ZBTB46: variants seen among roughly 807,000 people sequenced by gnomAD.
ZBTB46 encodes zinc finger and BTB domain-containing protein 46.
A neutral mutation model predicts 44.1 loss-of-function variants in ZBTB46; 8 were observed. That is an observed-to-expected ratio of 0.18 (90% CI 0.11 to 0.33). The LOEUF (loss-of-function observed/expected upper bound fraction) is 0.33, where lower values mean the gene tolerates loss of function less well. Ranked by LOEUF, ZBTB46 falls within the 10% of genes least tolerant of loss-of-function variation. ZBTB46 has a pLI of 1.00. For synonymous variants in ZBTB46, 409 were observed against 382.3 expected, an observed-to-expected ratio of 1.07 and a Z score of -0.81; for missense variants, 651 against 847.7, an observed-to-expected ratio of 0.77 and a Z score of 2.88.
rs776978314 is a variant in ZBTB46, at chr20:63,746,841, G to A, written c.*89C>T. On this transcript the variant is annotated 3_prime_UTR_variant, in exon 5 of 5. Coordinates refer to ENST00000245663, the MANE Select transcript of ZBTB46 (RefSeq NM_001369741.1). ...AGAGGAGGGGCCGCGAGAGGGGTGA[G>A]CGTGGCCCTGGCCCCGCAGTGGAGA... The A allele has an allele frequency of 4.7e-5, 66 of 1,418,324 alleles. 1 individual carries two copies. Among genetic ancestry groups the A allele is most frequent in the African/African-American group, 4.4e-5 (3 of 67,878 alleles). The allele number at this position is 1,418,324 out of a possible 1,614,324, so 87.9% of individuals were successfully genotyped here. A position where few individuals can be genotyped will look rare whatever the true frequency, so the allele number is the denominator to read the frequency against.
intron 1 of ZBTB46, among the ~76,000 whole-genome samples, chr20:63,817,411 A>G (rs552087444): frequency 1.3e-5 from 2 of 151,736 alleles, no homozygotes; most frequent in African/African-American, 4.8e-5. Flanking sequence ...TCTCAAGAAA[A>G]AAAAATAGAA....
intron 1 of ZBTB46, among the ~76,000 whole-genome samples, chr20:63,804,477 ACT>A (rs927599431): frequency 6.6e-6 from 1 of 152,128 alleles, no homozygotes; most frequent in Non-Finnish European, 1.5e-5. Flanking sequence ...CCCGGGCGTC[ACT>A]GTTCTTACAC....
chr20:63,798,861 G>A (rs1343084974), intron 1 of ZBTB46, among the ~76,000 whole-genome samples: 1 of 148,668 alleles, frequency 6.7e-6, no homozygotes, highest in Non-Finnish European at 1.5e-5. Context: ...AAAAAAAAAT[G>A]TAATTAACAG....
chr20:63,767,311 G>A lies in ZBTB46; in HGVS notation c.1222+8367C>T, dbSNP rs2092328640. Among the ~76,000 whole-genome samples, 2 of 152,038 alleles carry A rather than the reference G, an allele frequency of 1.3e-5. No individual in the cohort carries two copies. The highest frequency in any genetic ancestry group is 1.3e-4 in the Admixed American group (2 of 15,272). ...GTCCCCACACATTGGCAATCCCGTA[G>A]GATCTCGGTCATCTGAACCCCGTCG... On this transcript the variant is annotated intron_variant, in intron 3 of 4. Coordinates refer to ENST00000245663, the MANE Select transcript of ZBTB46 (RefSeq NM_001369741.1). This position sits in a 1 kb window ranked among gnomAD's most constrained non-coding sequence, Gnocchi z 5.0.
At chr20:63,748,292 C>T (rs1411694436) in intron 4 of ZBTB46, among the ~76,000 whole-genome samples, 1 of 152,216 alleles carries the variant, frequency 6.6e-6, no homozygotes, top group African/African-American at 2.4e-5. Context: ...GCCCATGTGG[C>T]AGGACGCGAG....
chr20:63,795,306 T>C (rs2145951392), intron 1 of ZBTB46, among the ~76,000 whole-genome samples: 1 of 152,308 alleles, frequency 6.6e-6, no homozygotes, highest in South Asian at 2.1e-4. Flanking sequence ...ACCGTGCAGG[T>C]GCTGGGGGCA....
At chr20:63,782,736 G>T (rs941877797) in intron 2 of ZBTB46, among the ~76,000 whole-genome samples, 1 of 152,106 alleles carries the variant, frequency 6.6e-6, no homozygotes, top group Non-Finnish European at 1.5e-5. Context: ...TGCTGGCTGC[G>T]GCCGTGAGTC....
upstream of ZBTB46, among the ~76,000 whole-genome samples, chr20:63,833,863 G>A (rs186169641): frequency 7.2e-5 from 11 of 152,340 alleles, no homozygotes; most frequent in South Asian, 4.1e-4. Context: ...TCCAAGAGCT[G>A]ATAAACCCCA....
At chr20:63,807,173 G>A (rs1026884570) in intron 1 of ZBTB46, among the ~76,000 whole-genome samples, 4 of 152,166 alleles carry the variant, frequency 2.6e-5, no homozygotes, top group Admixed American at 6.5e-5. Context: ...GACAGAGATG[G>A]ACTTTTCTTT....
intron 2 of ZBTB46, among the ~76,000 whole-genome samples, chr20:63,779,699 CCT>C (rs1403692882): frequency 6.6e-6 from 1 of 151,562 alleles, no homozygotes; most frequent in Non-Finnish European, 1.5e-5. Context: ...GGATTACAGG[CCT>C]GTGAGCCACC....
intron 3 of ZBTB46, among the ~76,000 whole-genome samples, chr20:63,766,185 G>A (rs1228303408): frequency 6.8e-6 from 1 of 148,046 alleles, no homozygotes; most frequent in East Asian, 2.0e-4. Context: ...TATCATCTCA[G>A]GCCCAACAGC....
rs774230176 is a variant in ZBTB46 at position 63,789,806 on chromosome 20, G to A, written c.937+15C>T. On this transcript the variant is annotated intron_variant, in intron 2 of 4. Coordinates refer to ENST00000245663, the MANE Select transcript of ZBTB46 (RefSeq NM_001369741.1). ...ACTGGGGCAGCTGAGCCCCCGTAAC[G>A]AGTGAAAGGCTTACTTGAGTCTCGG... 6.3e-6 allele frequency: 10 copies of A among 1,596,638 alleles called. No homozygotes were observed. The highest frequency in any genetic ancestry group is 1.7e-5 in the Admixed American group (1 of 59,612).
chr20:63,784,369 C>G (rs2092495599), intron 2 of ZBTB46, among the ~76,000 whole-genome samples: 1 of 152,240 alleles, frequency 6.6e-6, no homozygotes, highest in African/African-American at 2.4e-5. Flanking sequence ...CATTGTCCCC[C>G]ATCTGGAGCT....
At position 63,803,146 on chromosome 20, in the gene ZBTB46, C is replaced by G. The variant is rs1223195381; in HGVS notation, c.-33-12356G>C. ...CACCAGCAGGAACCAGGCGTGGGCACCATCCCCCAGGATGCCATCCAGGCA... is the reference window on the plus strand; with the variant it reads ...CACCAGCAGGAACCAGGCGTGGGCAGCATCCCCCAGGATGCCATCCAGGCA... On this transcript the variant is annotated intron_variant, in intron 1 of 4. Transcript: ENST00000245663. The surrounding 1 kb of genome is among the most constrained non-coding windows in gnomAD (Gnocchi z 4.0). 6.6e-6 allele frequency among the ~76,000 whole-genome samples: 1 copy of G among 152,102 alleles called. No homozygotes were observed. Among genetic ancestry groups the G allele is most frequent in the Non-Finnish European group, 1.5e-5 (1 of 68,018 alleles).
At chr20:63,791,729 C>G (rs986009582) in intron 1 of ZBTB46, among the ~76,000 whole-genome samples, 3 of 152,178 alleles carry the variant, frequency 2.0e-5, no homozygotes, top group African/African-American at 7.2e-5. Flanking sequence ...TGAGACACGA[C>G]TGGTCTCTGG....
intron 3 of ZBTB46, among the ~76,000 whole-genome samples, chr20:63,756,260 A>T (rs2092219492): frequency 6.6e-6 from 1 of 152,242 alleles, no homozygotes; most frequent in Non-Finnish European, 1.5e-5. Context: ...CCTTTTCATG[A>T]TAGTGTCAAA....
chr20:63,823,858 T>TTCTGTG (rs144086739), intron 1 of ZBTB46, among the ~76,000 whole-genome samples: 11 of 144,816 alleles, frequency 7.6e-5, no homozygotes, highest in African/African-American at 2.9e-4. Context: ...TCTAGGAACC[T>TTCTGTG]TGTGTGTGTG....
chr20:63,805,061 C>A (rs960438895), intron 1 of ZBTB46, among the ~76,000 whole-genome samples: 2 of 151,588 alleles, frequency 1.3e-5, no homozygotes, highest in African/African-American at 2.4e-5. Context: ...GCTGACATTA[C>A]AGGCTCACAC....
At chr20:63,800,484 C>T (rs756312736) in intron 1 of ZBTB46, among the ~76,000 whole-genome samples, 5 of 152,364 alleles carry the variant, frequency 3.3e-5, no homozygotes, top group Non-Finnish European at 7.3e-5. Context: ...CCCTTCAGCC[C>T]GCTGCTGCAC....
Sources: gnomAD v4.1 joint callset for allele counts (sites outside exome capture counted in the v4.1 genomes callset) on GRCh38, gnomAD v4.1.1 for gene constraint, Gnocchi (gnomAD v3.1) non-coding constraint, MANE v1.5 for transcripts, NCBI Gene and HGNC (gene_info 2026-07-23, HGNC 2026-07-21) for gene names.